RASGRF2: variants seen among roughly 807,000 people sequenced by gnomAD.
RASGRF2 encodes the protein ras-specific guanine nucleotide-releasing factor 2.
Under a neutral mutation model 151.0 loss-of-function variants are expected in RASGRF2, and 76 were observed. The ratio of observed to expected loss-of-function variants is 0.50; its 90% CI spans 0.42 to 0.61. The LOEUF (loss-of-function observed/expected upper bound fraction) is 0.61. Ranked by LOEUF, RASGRF2 falls within the 20% of genes least tolerant of loss-of-function variation. RASGRF2 has a pLI of 0.00. For synonymous variants in RASGRF2, 504 were observed against 566.5 expected (o/e 0.89, Z 1.57); for missense variants, 1,148 against 1,564.6 (o/e 0.73, Z 4.49).
At chr5:80,991,964 T>G (rs577274574) in intron 1 of RASGRF2, among the ~76,000 whole-genome samples, 14 of 152,058 alleles carry the variant, frequency 9.2e-5, no homozygotes, top group Non-Finnish European at 1.9e-4. Flanking sequence ...GAATAATGAC[T>G]CTTTGGATGA....
intron 15 of RASGRF2, among the ~76,000 whole-genome samples, chr5:81,115,053 A>G (rs903870748): frequency 2.6e-5 from 4 of 152,228 alleles, no homozygotes; most frequent in Non-Finnish European, 5.9e-5. Flanking sequence ...AAAAAACTGT[A>G]TAAGAACTGA....
At chr5:80,976,775 C>A (rs1748127851) in intron 1 of RASGRF2, among the ~76,000 whole-genome samples, 2 of 152,170 alleles carry the variant, frequency 1.3e-5, no homozygotes. Flanking sequence ...GCTCTTGACT[C>A]CGTGAGGACA....
intron 17 of RASGRF2, among the ~76,000 whole-genome samples, chr5:81,171,674 T>G (rs1482078656): frequency 1.3e-5 from 2 of 152,170 alleles, no homozygotes; most frequent in Non-Finnish European, 2.9e-5. Context: ...ACCTGGAGTA[T>G]TATATTTCTT....
intron 2 of RASGRF2, among the ~76,000 whole-genome samples, chr5:81,063,498 C>T (rs934493880): frequency 5.3e-5 from 8 of 152,136 alleles, no homozygotes; most frequent in African/African-American, 1.7e-4. Context: ...CTCAGTATCC[C>T]AAAGTGCTAG....
At chr5:81,173,265 C>T (rs1285551939) in intron 17 of RASGRF2, among the ~76,000 whole-genome samples, 2 of 152,060 alleles carry the variant, frequency 1.3e-5, no homozygotes, top group Admixed American at 6.5e-5. Flanking sequence ...GTAATCCCAG[C>T]TACTTGAGAG....
At chr5:81,064,035 T>C (rs1235116427) in intron 2 of RASGRF2, among the ~76,000 whole-genome samples, 3 of 152,228 alleles carry the variant, frequency 2.0e-5, no homozygotes, top group Non-Finnish European at 4.4e-5. Flanking sequence ...ACAGTTTCTG[T>C]GGGTCAGGAA....
intron 17 of RASGRF2, among the ~76,000 whole-genome samples, chr5:81,143,024 A>G (rs1207383620): frequency 2.0e-5 from 3 of 152,218 alleles, no homozygotes; most frequent in Non-Finnish European, 4.4e-5. Context: ...GGTGAAAAAT[A>G]TATTCGTAGT....
intron 17 of RASGRF2, among the ~76,000 whole-genome samples, chr5:81,164,030 G>T (rs1754449131): frequency 6.6e-6 from 1 of 152,118 alleles, no homozygotes; most frequent in South Asian, 2.1e-4. Flanking sequence ...CCATAAAATG[G>T]GGATAACTCT....
intron 1 of RASGRF2, among the ~76,000 whole-genome samples, chr5:80,991,984 G>A (rs1748665808): frequency 6.6e-6 from 1 of 152,030 alleles, no homozygotes; most frequent in Admixed American, 6.6e-5. Flanking sequence ...AGATGTCCTG[G>A]GAAGAAATTC....
chr5:81,068,670 G>A (rs1329731609), intron 3 of RASGRF2, among the ~76,000 whole-genome samples: 1 of 152,130 alleles, frequency 6.6e-6, no homozygotes, highest in Non-Finnish European at 1.5e-5. Flanking sequence ...TAAGACATTT[G>A]CTAGGGTGCA....
chr5:81,197,462 C>CA (rs10674027), intron 18 of RASGRF2, among the ~76,000 whole-genome samples: 44,569 of 63,848 alleles, frequency 0.7, 17,086 homozygotes, highest in South Asian at 0.81. Flanking sequence ...GACTCCGTCT[C>CA]AAAAAAAAAA....
rs959141371 is a variant in RASGRF2 at position 81,140,456 on chromosome 5, G to A, written c.2686+13293G>A. Reference sequence around the variant, plus strand: ...CACACAGACACACACATGCACACACGCACACTCACTCACATTTTGCTTGGA... The same window carrying A: ...CACACAGACACACACATGCACACACACACACTCACTCACATTTTGCTTGGA... On this transcript the variant is annotated intron_variant, in intron 17 of 26. Transcript: ENST00000265080. 9.3e-4 allele frequency among the ~76,000 whole-genome samples: 140 copies of A among 150,274 alleles called. 2 individuals are homozygous for A. The highest frequency in any genetic ancestry group is 3.0e-3 in the African/African-American group (123 of 40,886).
chr5:81,025,679 G>A (rs1749994287), intron 1 of RASGRF2, among the ~76,000 whole-genome samples: 1 of 152,188 alleles, frequency 6.6e-6, no homozygotes, highest in South Asian at 2.1e-4. Flanking sequence ...GGCAGCAGCT[G>A]AAACTGAAAC....
chr5:81,053,935 T>A (rs147586967), intron 2 of RASGRF2, among the ~76,000 whole-genome samples: 1 of 148,496 alleles, frequency 6.7e-6, no homozygotes, highest in Non-Finnish European at 1.5e-5. Context: ...TTTTGAGAAG[T>A]GTCTGTTCAT....
rs528867648 is a variant in RASGRF2 at position 81,213,277 on chromosome 5, T to TTGCCCTGCC, written c.3354+717_3354+725dup. Among the ~76,000 whole-genome samples the TTGCCCTGCC allele has an allele frequency of 6.2e-4, 94 of 152,294 alleles. No homozygotes were observed. In the East Asian group the frequency reaches 0.016, roughly 27 times the overall value. ...CTGTACCTGGTGTCACCTGGCCTGC[T>TTGCCCTGCC]TGCCCTGCCTGGGAACAATGCATGG... is the stretch of plus-strand genomic sequence containing the variant. On this transcript the variant is annotated intron_variant, in intron 23 of 26. Transcript: ENST00000265080.
chr5:81,021,845 GT>G (rs1190028899), intron 1 of RASGRF2, among the ~76,000 whole-genome samples: 1 of 152,166 alleles, frequency 6.6e-6, no homozygotes, highest in Non-Finnish European at 1.5e-5. Context: ...TCCCTGAAAG[GT>G]TTGGGGATAG....
intron 17 of RASGRF2, among the ~76,000 whole-genome samples, chr5:81,147,947 C>T (rs1303264260): frequency 6.6e-6 from 1 of 152,182 alleles, no homozygotes; most frequent in Non-Finnish European, 1.5e-5. Flanking sequence ...CCATAGTCCC[C>T]TTTAGAGGCA....
intron 17 of RASGRF2, among the ~76,000 whole-genome samples, chr5:81,131,510 A>G (rs1169280992): frequency 6.6e-6 from 1 of 151,996 alleles, no homozygotes; most frequent in Non-Finnish European, 1.5e-5. Flanking sequence ...GTGTGCCACC[A>G]TGCCCAGCTA....
chr5:81,180,565 G>T lies in RASGRF2; in HGVS notation c.2793+284G>T, dbSNP rs182849644. Among the ~76,000 whole-genome samples, 13 of 152,228 alleles carry T rather than the reference G, an allele frequency of 8.5e-5. No homozygotes were observed. In the East Asian group the frequency reaches 2.1e-3, roughly 25 times the overall value. ...ACAGCACTCACCCATGGGCACCTGA[G>T]CCACAACAAGGCCTCTGTGCTGTGC... On this transcript the variant is annotated intron_variant, in intron 18 of 26. Coordinates refer to ENST00000265080, the MANE Select transcript of RASGRF2 (RefSeq NM_006909.3).
Sources: allele counts gnomAD v4.1 joint callset (sites outside exome capture counted in the v4.1 genomes callset), GRCh38; gene constraint gnomAD v4.1.1; transcripts MANE v1.5; gene names NCBI Gene and HGNC (gene_info 2026-07-23, HGNC 2026-07-21).